CD96: variants seen among roughly 807,000 people sequenced by gnomAD.
The protein encoded by CD96 is CD96 molecule.
A neutral mutation model predicts 71.3 loss-of-function variants in CD96; 70 were observed. The observed-to-expected ratio is 0.98, with a 90% CI of 0.81 to 1.20. CD96 has a LOEUF of 1.20. CD96 is among the 50% of genes most tolerant of loss of function. The pLI, the probability that CD96 is intolerant of heterozygous loss-of-function variation, is 0.00. For synonymous variants in CD96, 248 were observed against 233.0 expected (o/e 1.06, Z -0.59); for missense variants, 742 against 677.5 (o/e 1.10, Z -1.06).
downstream of CD96, among the ~76,000 whole-genome samples, chr3:111,654,892 G>C (rs1388442859): frequency 1.3e-5 from 2 of 152,226 alleles, no homozygotes; most frequent in Non-Finnish European, 2.9e-5. Context: ...GGAGGGGATA[G>C]AACAACAGTT....
At position 111,606,776 on chromosome 3, in the gene CD96, C is replaced by T; in HGVS notation, c.1164C>T (p.Ser388=). ...STLDTQPSPA[S]SVSPARYPAT... is the part of the protein sequence containing the mutation. The stretch of plus-strand genomic sequence containing the variant: ...TTGACACCCAACCTTCTCCAGCCAG[C>T]AGTGTATCTCCTGCAAGTAAGAATG... Residue 388 remains serine (S), a synonymous_variant, in exon 8 of 14, where the codon AGC becomes AGT. Transcript: ENST00000352690. The T allele has an allele frequency of 6.3e-7, 1 of 1,581,588 alleles. No homozygotes were observed. Among genetic ancestry groups the T allele is most frequent in the Non-Finnish European group, 8.7e-7 (1 of 1,150,214 alleles).
chr3:111,566,021 T>C (rs1322017649), intron 2 of CD96, among the ~76,000 whole-genome samples: 1 of 148,804 alleles, frequency 6.7e-6, no homozygotes, highest in Non-Finnish European at 1.5e-5. Flanking sequence ...CATATATTTA[T>C]ATATATATTT....
chr3:111,601,110 A>T (rs370085835), intron 7 of CD96, among the ~76,000 whole-genome samples, 196 bp downstream of exon 7: 6 of 152,246 alleles, frequency 3.9e-5, no homozygotes, highest in African/African-American at 1.2e-4. Flanking sequence ...AACTAAAAAG[A>T]AAATAGTTGA....
chr3:111,635,529 T>A (rs1576418972), intron 10 of CD96, among the ~76,000 whole-genome samples: 2 of 152,238 alleles, frequency 1.3e-5, no homozygotes, highest in East Asian at 3.8e-4. Context: ...GTAATTGTGC[T>A]GATGGTATCA....
intron 3 of CD96, chr3:111,570,698 G>C: frequency 1.2e-6 from 2 of 1,612,122 alleles, no homozygotes; most frequent in South Asian, 2.2e-5. Flanking sequence ...AGGGGCTGCT[G>C]TAGGACAGAG....
chr3:111,609,846 G>T (rs1937818580), intron 8 of CD96, among the ~76,000 whole-genome samples: 1 of 152,108 alleles, frequency 6.6e-6, no homozygotes. Flanking sequence ...TGTCAACCAG[G>T]GTAATTTTGC....
intron 2 of CD96, among the ~76,000 whole-genome samples, chr3:111,564,562 T>G (rs767882843): frequency 5.3e-5 from 8 of 152,178 alleles, no homozygotes; most frequent in Non-Finnish European, 1.2e-4. Context: ...CTTTCCAAAA[T>G]TGTGCACAAT....
downstream of CD96, among the ~76,000 whole-genome samples, chr3:111,657,222 A>T (rs181799200): frequency 6.6e-6 from 1 of 152,142 alleles, no homozygotes; most frequent in East Asian, 1.9e-4. Flanking sequence ...GTTTGAGACC[A>T]GCCTGGCCAA....
intron 5 of CD96, among the ~76,000 whole-genome samples, chr3:111,597,553 A>G (rs1321345212): frequency 6.6e-6 from 1 of 152,352 alleles, no homozygotes; most frequent in South Asian, 2.1e-4. Flanking sequence ...TGGCAAAAAT[A>G]AGGCATGCTC....
intron 2 of CD96, among the ~76,000 whole-genome samples, chr3:111,546,014 A>C (rs1372220154): frequency 1.3e-5 from 2 of 152,042 alleles, no homozygotes; most frequent in Non-Finnish European, 2.9e-5. Context: ...AAAAAAAGTC[A>C]TACTGACTTT....
chr3:111,547,415 A>G (rs1048125116), intron 2 of CD96, among the ~76,000 whole-genome samples: 1 of 149,014 alleles, frequency 6.7e-6, no homozygotes, highest in Admixed American at 6.7e-5. Context: ...TTTCATACAT[A>G]GTTTTTTTTG....
intron 5 of CD96, among the ~76,000 whole-genome samples, chr3:111,587,196 A>G (rs981326519): frequency 3.4e-4 from 51 of 152,234 alleles, no homozygotes; most frequent in African/African-American, 1.2e-3. Context: ...TACAGATGCA[A>G]GAGGTGGGTT....
At chr3:111,620,332 GT>G (rs913294903) in intron 8 of CD96, among the ~76,000 whole-genome samples, 14 of 152,178 alleles carry the variant, frequency 9.2e-5, no homozygotes, top group African/African-American at 3.1e-4. Flanking sequence ...TCAAATGTTG[GT>G]TAAACAAACA....
chr3:111,583,381 G>A (rs74554650), intron 4 of CD96, among the ~76,000 whole-genome samples: 3,877 of 152,270 alleles, frequency 0.025, 127 homozygotes, highest in East Asian at 0.098. Flanking sequence ...GGAGCACAGT[G>A]CAATCTGTTG....
chr3:111,575,020 C>T (rs1230480058), intron 3 of CD96, among the ~76,000 whole-genome samples: 2 of 151,960 alleles, frequency 1.3e-5, no homozygotes, highest in Non-Finnish European at 2.9e-5. Context: ...TCTTGAACTC[C>T]TGGGCTCAAG....
At chr3:111,593,780 C>T (rs980254189) in intron 5 of CD96, 1 of 1,614,238 alleles carries the variant, frequency 6.2e-7, no homozygotes, top group Non-Finnish European at 8.5e-7. Context: ...CTCCAGGAGC[C>T]TACCCCAGTT....
At chr3:111,622,067 T>C (rs1938542231) in intron 8 of CD96, among the ~76,000 whole-genome samples, 1 of 152,178 alleles carries the variant, frequency 6.6e-6, no homozygotes, top group Admixed American at 6.5e-5. Context: ...TAGGTGATTC[T>C]GCCAGTGAGA....
chr3:111,648,813 G>A (rs1326597496), intron 13 of CD96, among the ~76,000 whole-genome samples: 1 of 152,174 alleles, frequency 6.6e-6, no homozygotes, highest in African/African-American at 2.4e-5. Context: ...GTGTTTGAGT[G>A]ATGAACATAA....
intron 10 of CD96, among the ~76,000 whole-genome samples, chr3:111,632,193 A>G (rs1006832832): frequency 1.6e-4 from 25 of 152,218 alleles, no homozygotes; most frequent in African/African-American, 6.0e-4. Flanking sequence ...AACCTACAGA[A>G]TGGGATAAAA....
Sources: gnomAD v4.1 joint callset for allele counts (sites outside exome capture counted in the v4.1 genomes callset) on GRCh38, gnomAD v4.1.1 for gene constraint, MANE v1.5 for transcripts, NCBI Gene and HGNC (gene_info 2026-07-23, HGNC 2026-07-21) for gene names.